The following PRTG variants were observed in gnomAD, a reference collection of about 807,000 sequenced individuals.
PRTG encodes protogenin.
A neutral mutation model predicts 122.5 loss-of-function variants in PRTG; 67 were observed. That is an observed-to-expected ratio of 0.55 (90% CI 0.45 to 0.67). The LOEUF (loss-of-function observed/expected upper bound fraction) is 0.67. PRTG is among the 30% of genes least tolerant of loss of function. The probability of loss-of-function intolerance (pLI) is 0.00; values close to 1 mark genes in which losing one functional copy is unlikely to be tolerated. For missense variants in PRTG, 1,435 were observed against 1,415.4 expected, an observed-to-expected ratio of 1.01 and a Z score of -0.22; for synonymous variants, 554 against 501.1, an observed-to-expected ratio of 1.11 and a Z score of -1.41.
chr15:55,725,395 G>A (rs1237353124), intron 2 of PRTG, among the ~76,000 whole-genome samples: 1 of 151,968 alleles, frequency 6.6e-6, no homozygotes. Flanking sequence ...AAGGTATAAG[G>A]TAAGCCTAGG....
intron 1 of PRTG, among the ~76,000 whole-genome samples, chr15:55,741,045 G>A (rs1403726862): frequency 6.6e-6 from 1 of 152,148 alleles, no homozygotes; most frequent in Admixed American, 6.5e-5. Flanking sequence ...AGAGTAAGTC[G>A]TAAAAGTCTA....
rs775092034 is a variant in PRTG, at chr15:55,619,972, C to T, written c.*40G>A. The T allele has an allele frequency of 6.2e-7, 1 of 1,608,602 alleles. No individual in the cohort carries two copies. Among genetic ancestry groups the T allele is most frequent in the Non-Finnish European group, 8.5e-7 (1 of 1,177,154 alleles). On this transcript the variant is annotated 3_prime_UTR_variant, in exon 20 of 20. Transcript: ENST00000389286. ...ACACAGCAGGGTCTTCACACTTCCT[C>T]AATGCGGAATCTCCACCTGAATCAC...
In PRTG at chr15:55,673,504, C is replaced by A. The variant is rs61744214; in HGVS notation, c.1719G>T (p.Thr573=). ...TCAGGCCTTCCAAAAGGTACTCATGCGTGGTCCCCGGGAGCTCCAGAACTT... is the reference window on the plus strand; with the variant it reads ...TCAGGCCTTCCAAAAGGTACTCATGAGTGGTCCCCGGGAGCTCCAGAACTT... ...SIQVLELPGT[T]HEYLLEGLKP... is the part of the protein sequence containing the mutation. The change falls in exon 10 of 20, where the codon ACG becomes ACT. Residue 573 remains threonine (T), a synonymous_variant. Coordinates refer to ENST00000389286, the MANE Select transcript of PRTG (RefSeq NM_173814.6). 6.2e-6 allele frequency: 10 copies of A among 1,614,102 alleles called. No individual in the cohort carries two copies. Among genetic ancestry groups the A allele is most frequent in the South Asian group, 5.5e-5 (5 of 91,074 alleles).
intron 14 of PRTG, among the ~76,000 whole-genome samples, 181 bp from the exon 15 acceptor site, chr15:55,637,521 T>A (rs2059264746): frequency 6.6e-6 from 1 of 152,194 alleles, no homozygotes; most frequent in Non-Finnish European, 1.5e-5. Context: ...ATTTTCATAA[T>A]ACTCAAACAT....
rs1023441685 is a variant in PRTG, at chr15:55,722,521, A to G, written c.397+17861T>C. On this transcript the variant is annotated intron_variant, in intron 2 of 19. Coordinates refer to ENST00000389286, the MANE Select transcript of PRTG (RefSeq NM_173814.6). ...CTACGTGTTCTAGAACCAAAAGGGA[A>G]TATCAGCCAAGGGCCCTGAAAAATC... 1.3e-4 allele frequency among the ~76,000 whole-genome samples: 20 copies of G among 152,222 alleles called. No homozygotes were observed. The East Asian group carries it at 3.1e-3, about 23-fold the overall frequency.
chr15:55,620,531 C>A (rs201838457), intron 19 of PRTG, 132 bp downstream of exon 19: 1 of 1,361,500 alleles, frequency 7.3e-7, no homozygotes. Flanking sequence ...AGCCATGCCC[C>A]AAATTAATAA....
At chr15:55,697,780 G>A (rs892137333) in intron 2 of PRTG, among the ~76,000 whole-genome samples, 11 of 152,256 alleles carry the variant, frequency 7.2e-5, no homozygotes, top group East Asian at 3.9e-4. Context: ...GTGAGCCACC[G>A]CGCCCAGCCT....
At chr15:55,677,164 A>G (rs554176200) in intron 8 of PRTG, among the ~76,000 whole-genome samples, 5 of 152,174 alleles carry the variant, frequency 3.3e-5, no homozygotes, top group Non-Finnish European at 5.9e-5. Context: ...GTAAAATATA[A>G]GAAAAATTTT....
intron 2 of PRTG, among the ~76,000 whole-genome samples, chr15:55,693,075 C>T (rs959436543): frequency 6.6e-6 from 1 of 151,678 alleles, no homozygotes; most frequent in Non-Finnish European, 1.5e-5. Flanking sequence ...GTCTTGAACT[C>T]CTGGCTTCAA....
chr15:55,613,737 A>G lies in PRTG; in HGVS notation c.*6275T>C, dbSNP rs924913930. On this transcript the variant is annotated 3_prime_UTR_variant, in exon 20 of 20. Transcript: ENST00000389286. ...ATCTGGTCACACTATGGAAGGCACT[A>G]TGACCCTGGGTGATTAAATACCTTT... 6.1e-5 allele frequency: 9 copies of G among 147,608 alleles called. No homozygotes were observed. The highest frequency in any genetic ancestry group is 2.2e-4 in the African/African-American group (9 of 40,098). 9.1% of individuals were successfully genotyped at this position (147,608 alleles called of 1,614,324 possible). A position where few individuals can be genotyped will look rare whatever the true frequency, so the allele number is the denominator to read the frequency against.
chr15:55,725,978 T>A (rs1380893739), intron 2 of PRTG, among the ~76,000 whole-genome samples: 18 of 151,856 alleles, frequency 1.2e-4, no homozygotes, highest in Non-Finnish European at 2.9e-5. Flanking sequence ...AGAGTCTCAC[T>A]CTGTTGCGAG....
chr15:55,630,284 C>G (rs565511941), intron 15 of PRTG, among the ~76,000 whole-genome samples: 4 of 152,192 alleles, frequency 2.6e-5, no homozygotes, highest in African/African-American at 9.6e-5. Context: ...CCACGCCCGG[C>G]CAATTCTTTT....
rs1181780442 is a variant in PRTG at position 55,618,935 on chromosome 15, C to A, written c.*1077G>T. On this transcript the variant is annotated 3_prime_UTR_variant, in exon 20 of 20. Coordinates refer to ENST00000389286, the MANE Select transcript of PRTG (RefSeq NM_173814.6). ...ATTTTACTGTCTACTGTTGCATTTA[C>A]CTTCATTCTTAATAGTTCATGAAAT... 4 of 152,124 alleles carry A rather than the reference C, an allele frequency of 2.6e-5. No individual in the cohort carries two copies. Among genetic ancestry groups the A allele is most frequent in the African/African-American group, 7.2e-5 (3 of 41,424 alleles). 9.4% of individuals were successfully genotyped at this position (152,124 alleles called of 1,614,324 possible). A position where few individuals can be genotyped will look rare whatever the true frequency, so the allele number is the denominator to read the frequency against.
intron 11 of PRTG, among the ~76,000 whole-genome samples, chr15:55,664,092 C>CA (rs1362955036): frequency 5.3e-5 from 8 of 152,222 alleles, no homozygotes; most frequent in African/African-American, 1.9e-4. Context: ...TAGAGCTATA[C>CA]ATTTGTGTAC....
intron 2 of PRTG, among the ~76,000 whole-genome samples, chr15:55,722,929 C>T (rs1194094721): frequency 1.3e-5 from 2 of 152,108 alleles, no homozygotes; most frequent in African/African-American, 4.8e-5. Flanking sequence ...CCCTGGAATA[C>T]GTGGAGAAAA....
Position 55,675,328 on chromosome 15 carries a change from T to A in PRTG, c.1546+191A>T, listed in dbSNP as rs2059496297. ...GAATATAAGAATTTTATTATTAAATTTTATATTCTGAAAGTGCTCTTTATC... is the reference window on the plus strand; with the variant it reads ...GAATATAAGAATTTTATTATTAAATATTATATTCTGAAAGTGCTCTTTATC... On this transcript the variant is annotated intron_variant, in intron 9 of 19. Coordinates refer to ENST00000389286, the MANE Select transcript of PRTG (RefSeq NM_173814.6). Among the ~76,000 whole-genome samples the A allele has an allele frequency of 2.6e-5, 4 of 152,244 alleles. No homozygotes were observed. The South Asian group carries it at 8.3e-4, about 32-fold the overall frequency.
chr15:55,705,468 T>C (rs796422728), intron 2 of PRTG, among the ~76,000 whole-genome samples: 5 of 152,316 alleles, frequency 3.3e-5, no homozygotes, highest in Admixed American at 6.5e-5. Flanking sequence ...TTTCTACTTA[T>C]TCTTTTTGTG....
In PRTG at chr15:55,618,098, CTT is replaced by C. The variant is rs1337631321; in HGVS notation, c.*1912_*1913del. ...TGCAGACTGTTCACCTAAAGCTCTG[CTT>C]TTTTGTTTGTTTTGCGATGAATTCC... On this transcript the variant is annotated 3_prime_UTR_variant, in exon 20 of 20. Coordinates refer to ENST00000389286, the MANE Select transcript of PRTG (RefSeq NM_173814.6). 6.6e-6 allele frequency: 1 copy of C among 152,170 alleles called. No homozygotes were observed. The highest frequency in any genetic ancestry group is 1.5e-5 in the Non-Finnish European group (1 of 68,024). The allele number at this position is 152,170 out of a possible 1,614,324, so 9.4% of individuals were successfully genotyped here.
At chr15:55,680,325 T>C (rs780068328) in intron 5 of PRTG, 113 bp from the exon 6 acceptor site, 54 of 1,122,154 alleles carry the variant, frequency 4.8e-5, no homozygotes, top group Admixed American at 1.3e-4. Context: ...AAATATAAAA[T>C]TCTCCATGTT....
Sources: gnomAD v4.1 joint callset for allele counts (sites outside exome capture counted in the v4.1 genomes callset) on GRCh38, gnomAD v4.1.1 for gene constraint, MANE v1.5 for transcripts, NCBI Gene and HGNC (gene_info 2026-07-23, HGNC 2026-07-21) for gene names.